TAS2R1: variants seen among roughly 807,000 people sequenced by gnomAD.
TAS2R1 encodes taste 2 receptor member 1, also known as taste receptor type 2 member 1.
For synonymous variants in TAS2R1, 141 were observed against 134.2 expected, an observed-to-expected ratio of 1.05 and a Z score of -0.35; for missense variants, 370 against 353.4, an observed-to-expected ratio of 1.05 and a Z score of -0.38.
At chr5:9,868,538 C>T in the TAS2R1 span, among the ~76,000 whole-genome samples, 7 of 152,300 alleles carry the variant, frequency 4.6e-5, no homozygotes, top group African/African-American at 1.7e-4. Context: ...GGGCCTGGCC[C>T]AGGAAGCCAT....
chr5:9,773,431 A>G, the TAS2R1 span, among the ~76,000 whole-genome samples: 1 of 152,092 alleles, frequency 6.6e-6, no homozygotes, highest in Non-Finnish European at 1.5e-5. Flanking sequence ...TAGTCTTTAT[A>G]TTTAAGATAT....
the TAS2R1 span, among the ~76,000 whole-genome samples, chr5:9,798,306 G>A: frequency 1.1e-4 from 17 of 152,100 alleles, no homozygotes; most frequent in African/African-American, 4.1e-4. Flanking sequence ...CCTAAAATTG[G>A]ATTATGGTGA....
chr5:9,885,891 GA>G, the TAS2R1 span, among the ~76,000 whole-genome samples: 1 of 151,990 alleles, frequency 6.6e-6, no homozygotes, highest in African/African-American at 2.4e-5. Context: ...AAATAAATGA[GA>G]AAAAATATTT....
Position 9,629,628 on chromosome 5 carries a change from T to G in TAS2R1, c.405A>C (p.Leu135=), listed in dbSNP as rs113322933. 2 of 1,614,116 alleles carry G rather than the reference T, an allele frequency of 1.2e-6. No homozygotes were observed. The highest frequency in any genetic ancestry group is 3.3e-5 in the Admixed American group (2 of 60,006). ...LVPWMILGSL[L]YVSMICVFHS... ...GGAAAACACAAATCATAGATACATA[T>G]AGCAGAGACCCCAGGATCATCCATG... Residue 135 remains leucine, a synonymous_variant, in exon 1 of 1, where the codon CTA becomes CTC. Coordinates refer to ENST00000382492, the MANE Select transcript of TAS2R1 (RefSeq NM_019599.3).
At chr5:9,630,910 C>T (rs1425412260), upstream of TAS2R1, among the ~76,000 whole-genome samples, 1 of 152,150 alleles carries the variant, frequency 6.6e-6, no homozygotes, top group African/African-American at 2.4e-5. Context: ...GTTGGTATTT[C>T]TTAATATGTA....
the TAS2R1 span, among the ~76,000 whole-genome samples, chr5:9,774,124 G>T: frequency 6.6e-6 from 1 of 151,930 alleles, no homozygotes; most frequent in East Asian, 1.9e-4. Flanking sequence ...GCTTTCTTTT[G>T]TCTTCTCTGA....
chr5:9,733,000 C>T, the TAS2R1 span, among the ~76,000 whole-genome samples: 1 of 152,204 alleles, frequency 6.6e-6, no homozygotes, highest in African/African-American at 2.4e-5. Context: ...ATGATAATCT[C>T]CTTTACTTAC....
chr5:9,701,687 A>T (rs1741487642), intron 1 of TAS2R1, among the ~76,000 whole-genome samples: 1 of 152,224 alleles, frequency 6.6e-6, no homozygotes, highest in African/African-American at 2.4e-5. Context: ...TTGTAAAGTT[A>T]TTCCTTCGTA....
chr5:9,683,681 C>A (rs371615795), intron 1 of TAS2R1, among the ~76,000 whole-genome samples: 1 of 152,140 alleles, frequency 6.6e-6, no homozygotes, highest in African/African-American at 2.4e-5. Flanking sequence ...GTTGCTTTCT[C>A]GAGTCAGAGC....
the TAS2R1 span, among the ~76,000 whole-genome samples, chr5:9,889,440 T>C: frequency 6.6e-6 from 1 of 152,214 alleles, no homozygotes; most frequent in Non-Finnish European, 1.5e-5. Context: ...AGCCCAGCTA[T>C]GGCTAAAAAT....
At chr5:9,637,369 T>C (rs892337639) in intron 2 of TAS2R1, among the ~76,000 whole-genome samples, 4 of 152,194 alleles carry the variant, frequency 2.6e-5, no homozygotes, top group African/African-American at 7.2e-5. Context: ...ATTCTTTCCT[T>C]TGTCTTGACT....
At chr5:9,769,513 A>G in the TAS2R1 span, among the ~76,000 whole-genome samples, 1 of 152,180 alleles carries the variant, frequency 6.6e-6, no homozygotes, top group Admixed American at 6.5e-5. Flanking sequence ...TGGTTGTACT[A>G]ATTTACATTC....
chr5:9,661,239 C>T (rs987454904), intron 1 of TAS2R1, among the ~76,000 whole-genome samples: 1 of 152,202 alleles, frequency 6.6e-6, no homozygotes, highest in African/African-American at 2.4e-5. Flanking sequence ...AGCCTCTTAG[C>T]ATGAACTCCA....
chr5:9,839,976 T>G, the TAS2R1 span, among the ~76,000 whole-genome samples: 2 of 152,220 alleles, frequency 1.3e-5, no homozygotes, highest in Admixed American at 1.3e-4. Context: ...ACTTTCGTCC[T>G]CCCAGAAGGA....
chr5:9,880,047 C>T, the TAS2R1 span, among the ~76,000 whole-genome samples: 2 of 152,130 alleles, frequency 1.3e-5, no homozygotes, highest in Non-Finnish European at 2.9e-5. Context: ...ATAGAGTATG[C>T]TTAACATACT....
At chr5:9,814,634 C>T in the TAS2R1 span, among the ~76,000 whole-genome samples, 10 of 152,166 alleles carry the variant, frequency 6.6e-5, no homozygotes, top group Admixed American at 5.2e-4. Context: ...AATGTGGATA[C>T]ATCTGAATCA....
chr5:9,708,712 G>A (rs887567263), intron 1 of TAS2R1, among the ~76,000 whole-genome samples: 4 of 151,900 alleles, frequency 2.6e-5, no homozygotes, highest in African/African-American at 9.7e-5. Context: ...TTGGAGATAA[G>A]GCCTTTCTCT....
chr5:9,901,421 G>A, the TAS2R1 span, among the ~76,000 whole-genome samples: 1 of 151,998 alleles, frequency 6.6e-6, no homozygotes, highest in Non-Finnish European at 1.5e-5. Context: ...ATGCACAGGG[G>A]CGTTCATTCT....
the TAS2R1 span, among the ~76,000 whole-genome samples, chr5:9,786,106 C>A: frequency 1.1e-4 from 16 of 152,148 alleles, no homozygotes; most frequent in African/African-American, 1.9e-4. Context: ...AATCTAGTTT[C>A]TAGAAGCAGA....
Sources: allele counts gnomAD v4.1 joint callset (sites outside exome capture counted in the v4.1 genomes callset), GRCh38; gene constraint gnomAD v4.1.1; transcripts MANE v1.5; gene names NCBI Gene and HGNC (gene_info 2026-07-23, HGNC 2026-07-21).